The following SGPP2 variants were observed in gnomAD, a reference collection of about 807,000 sequenced individuals.
SGPP2 encodes the protein sphingosine 1-phosphate phosphohydrolase 2.
In SGPP2, 30 loss-of-function variants were observed where a neutral mutation model predicts 33.9. That is an observed-to-expected ratio of 0.89 (90% CI 0.66 to 1.20). The LOEUF is 1.20. Among genes scored for constraint, SGPP2 ranks in the 50% most tolerant of loss-of-function variants. SGPP2 has a pLI of 0.00. For missense variants in SGPP2, 458 were observed against 532.1 expected (o/e 0.86, Z 1.37); for synonymous variants, 233 against 225.0 (o/e 1.04, Z -0.32).
intron 1 of SGPP2, among the ~76,000 whole-genome samples, chr2:222,435,068 A>ATGTG (rs1697219788): frequency 9.3e-5 from 14 of 150,194 alleles, no homozygotes; most frequent in African/African-American, 1.7e-4. Flanking sequence ...ATACACATAT[A>ATGTG]CATATATATA....
At chr2:222,541,039 G>A (rs540862814) in intron 4 of SGPP2, among the ~76,000 whole-genome samples, 2 of 152,090 alleles carry the variant, frequency 1.3e-5, no homozygotes, top group African/African-American at 4.8e-5. Flanking sequence ...GGCTGGTCTC[G>A]AACTCCTGAC....
At chr2:222,462,817 T>C (rs1218719995) in intron 1 of SGPP2, among the ~76,000 whole-genome samples, 1 of 151,852 alleles carries the variant, frequency 6.6e-6, no homozygotes, top group Non-Finnish European at 1.5e-5. Context: ...AGAAAAAAAA[T>C]TGATAATCAG....
intron 2 of SGPP2, among the ~76,000 whole-genome samples, chr2:222,483,943 T>C (rs1698066777): frequency 6.6e-6 from 1 of 152,196 alleles, no homozygotes; most frequent in African/African-American, 2.4e-5. Flanking sequence ...CTAACTTGCA[T>C]TGAACGGAAT....
intron 2 of SGPP2, among the ~76,000 whole-genome samples, chr2:222,520,545 A>G (rs1241270821): frequency 6.6e-6 from 1 of 152,096 alleles, no homozygotes; most frequent in African/African-American, 2.4e-5. Flanking sequence ...AGCTTGACCA[A>G]CATGGTGAAA....
intron 4 of SGPP2, among the ~76,000 whole-genome samples, chr2:222,545,429 G>A (rs1327759079): frequency 6.6e-6 from 1 of 151,932 alleles, no homozygotes; most frequent in African/African-American, 2.4e-5. Context: ...TTACAGACAT[G>A]TGCCACCACG....
At chr2:222,474,493 TGA>T in intron 1 of SGPP2, 73 bp from the exon 2 acceptor site, 1 of 1,381,136 alleles carries the variant, frequency 7.2e-7, no homozygotes, top group Non-Finnish European at 1.0e-6. Flanking sequence ...TTGAGACCTG[TGA>T]GTTTTAGACA....
chr2:222,512,171 C>T (rs1698539791), intron 2 of SGPP2, among the ~76,000 whole-genome samples: 1 of 151,936 alleles, frequency 6.6e-6, no homozygotes, highest in Non-Finnish European at 1.5e-5. Context: ...GCCACCACGC[C>T]CAGCTAATTT....
At chr2:222,541,692 C>T (rs768034117) in intron 4 of SGPP2, among the ~76,000 whole-genome samples, 1 of 152,040 alleles carries the variant, frequency 6.6e-6, no homozygotes, top group Non-Finnish European at 1.5e-5. Flanking sequence ...CAGTTCACTA[C>T]AACCTCTGCC....
Position 222,559,152 on chromosome 2 carries a change from ACACACCGCG to A in SGPP2, c.*256_*264del. On this transcript the variant is annotated 3_prime_UTR_variant, in exon 5 of 5. Coordinates refer to ENST00000321276, the MANE Select transcript of SGPP2 (RefSeq NM_152386.4). ...GACCATAATCCGGATCTTTAAAGGC[ACACACCGCG>A]CCCCCCCCCCCCCCGCCCGGCCCCT... 2 of 144,992 alleles carry A rather than the reference ACACACCGCG, an allele frequency of 1.4e-5. No individual in the cohort carries two copies. The highest frequency in any genetic ancestry group is 2.3e-4 in the Admixed American group (2 of 8,546). The allele number at this position is 144,992 out of a possible 1,614,324, so 9.0% of individuals were successfully genotyped here.
chr2:222,501,574 A>G (rs1698366662), intron 2 of SGPP2, among the ~76,000 whole-genome samples: 1 of 152,248 alleles, frequency 6.6e-6, no homozygotes, highest in Admixed American at 6.5e-5. Context: ...GCCTAAAATC[A>G]GACTCTTGGT....
chr2:222,439,310 T>C (rs967062270), intron 1 of SGPP2, among the ~76,000 whole-genome samples: 2 of 152,144 alleles, frequency 1.3e-5, no homozygotes, highest in Admixed American at 1.3e-4. Flanking sequence ...ATTCAAGGTG[T>C]TCTGGGTCTG....
At chr2:222,493,176 A>G (rs978935080) in intron 2 of SGPP2, among the ~76,000 whole-genome samples, 2 of 152,190 alleles carry the variant, frequency 1.3e-5, no homozygotes, top group Non-Finnish European at 1.5e-5. Context: ...TCACACTGCT[A>G]TGAAGATACT....
chr2:222,452,463 A>G (rs1697506302), intron 1 of SGPP2: 1 of 812,940 alleles, frequency 1.2e-6, no homozygotes, highest in Non-Finnish European at 2.1e-6. Context: ...TTTGTGGAGT[A>G]CTAAAATACC....
intron 1 of SGPP2, among the ~76,000 whole-genome samples, chr2:222,445,804 A>G (rs371427970): frequency 4.6e-5 from 7 of 152,292 alleles, no homozygotes; most frequent in East Asian, 3.9e-4. Context: ...AATCCTCCCA[A>G]TGCCAGGCTT....
At chr2:222,556,534 C>T (rs1320972846) in intron 4 of SGPP2, among the ~76,000 whole-genome samples, 2 of 136,484 alleles carry the variant, frequency 1.5e-5, no homozygotes, top group East Asian at 4.5e-4. Context: ...CCCTCCCTCA[C>T]TCCTTGCCTA....
chr2:222,472,068 T>G (rs1466027115), intron 1 of SGPP2, among the ~76,000 whole-genome samples: 1 of 152,208 alleles, frequency 6.6e-6, no homozygotes, highest in Non-Finnish European at 1.5e-5. Context: ...TTGTGTGTAC[T>G]TTCTGCTAAG....
intron 1 of SGPP2, 115 bp downstream of exon 1, chr2:222,424,936 T>A: frequency 1.2e-6 from 1 of 849,636 alleles, no homozygotes; most frequent in Non-Finnish European, 1.6e-6. Flanking sequence ...TCCCCGGCAG[T>A]GACCCGGCTC....
chr2:222,448,509 C>T (rs1407690883), intron 1 of SGPP2, among the ~76,000 whole-genome samples: 1 of 152,210 alleles, frequency 6.6e-6, no homozygotes, highest in African/African-American at 2.4e-5. Context: ...TGAGTTTACC[C>T]ACCTGCAGAG....
chr2:222,535,146 G>C (rs1698894202), intron 4 of SGPP2, among the ~76,000 whole-genome samples: 1 of 151,838 alleles, frequency 6.6e-6, no homozygotes, highest in African/African-American at 2.4e-5. Flanking sequence ...GGAGGCAAAG[G>C]CGGGCAGATC....
Sources: gnomAD v4.1 joint callset for allele counts (sites outside exome capture counted in the v4.1 genomes callset) on GRCh38, gnomAD v4.1.1 for gene constraint, MANE v1.5 for transcripts, NCBI Gene and HGNC (gene_info 2026-07-23, HGNC 2026-07-21) for gene names.